SORCS2: variants seen among roughly 807,000 people sequenced by gnomAD.
The protein encoded by SORCS2 is VPS10 domain-containing receptor SorCS2.
SORCS2 carries 100 observed loss-of-function variants against 141.6 expected under a neutral mutation model. That is an observed-to-expected ratio of 0.71 (90% CI 0.60 to 0.83). The LOEUF (loss-of-function observed/expected upper bound fraction) is 0.83. SORCS2 is among the 40% of genes least tolerant of loss of function. The pLI is 0.00. For synonymous variants in SORCS2, 789 were observed against 676.9 expected (o/e 1.17, Z -2.57); for missense variants, 1,646 against 1,560.2 (o/e 1.05, Z -0.93).
At position 7,741,517 on chromosome 4, in the gene SORCS2, C is replaced by T. The variant is rs989827019; in HGVS notation, c.*1253C>T. On this transcript the variant is annotated 3_prime_UTR_variant, in exon 27 of 27. Transcript: ENST00000507866. ...CCCTTCCTCCTCCTCCCTCCTCCCC[C>T]TCCTCTCTGGCAGGGATCTCAGATG... 1.8e-5 allele frequency: 6 copies of T among 341,860 alleles called. No individual in the cohort carries two copies. Among genetic ancestry groups the T allele is most frequent in the African/African-American group, 1.1e-4 (5 of 47,448 alleles). The allele number at this position is 341,860 out of a possible 1,614,324, so 21.2% of individuals were successfully genotyped here.
At position 7,697,270 on chromosome 4, in the gene SORCS2, G is replaced by T. The variant is rs901219708; in HGVS notation, c.1664G>T (p.Arg555Leu). 1 of 1,584,966 alleles carries T rather than the reference G, an allele frequency of 6.3e-7. No homozygotes were observed. The highest frequency in any genetic ancestry group is 1.2e-5 in the South Asian group (1 of 86,248). The stretch of plus-strand genomic sequence containing the variant: ...ACGTCAGACTGTGGTCACACCTGGC[G>T]GCAGGTAAGCTGGCTGGGAGGTGCC... ...YITSDCGHTW[R>L]QVFEEEHHIL... Residue 555 changes from arginine (R) to leucine (L), a missense_variant, in exon 12 of 27, where the codon CGG becomes CTG. Arg to Leu is a moderately radical substitution (Grantham distance 102). Coordinates refer to ENST00000507866, the MANE Select transcript of SORCS2 (RefSeq NM_020777.3).
At chr4:7,592,038 C>T (rs978291206) in intron 3 of SORCS2, among the ~76,000 whole-genome samples, 11 of 152,130 alleles carry the variant, frequency 7.2e-5, no homozygotes, top group African/African-American at 2.7e-4. Context: ...GCTAGGAAAG[C>T]GCCGAGGCTT....
chr4:7,349,881 A>G (rs1474058523), intron 1 of SORCS2, among the ~76,000 whole-genome samples: 3 of 152,168 alleles, frequency 2.0e-5, no homozygotes, highest in African/African-American at 7.2e-5. Flanking sequence ...CAAGGGATGA[A>G]ACAACTCTCC....
At chr4:7,706,068 G>T (rs1725420173) in intron 14 of SORCS2, among the ~76,000 whole-genome samples, 1 of 146,478 alleles carries the variant, frequency 6.8e-6, no homozygotes. Flanking sequence ...GGGCAGGGAT[G>T]AGGCTGGGCT....
At chr4:7,681,887 T>C (rs144171738) in intron 9 of SORCS2, among the ~76,000 whole-genome samples, 17 of 152,324 alleles carry the variant, frequency 1.1e-4, no homozygotes, top group South Asian at 2.1e-4. Context: ...GCATGCTGCA[T>C]ATACAGGTGC....
At chr4:7,445,799 A>G (rs1231204373) in intron 2 of SORCS2, among the ~76,000 whole-genome samples, 1 of 152,126 alleles carries the variant, frequency 6.6e-6, no homozygotes. Flanking sequence ...GTCGGGAAGT[A>G]CAGGACTCCA....
intron 3 of SORCS2, among the ~76,000 whole-genome samples, chr4:7,599,670 C>T (rs1456719108): frequency 1.3e-5 from 2 of 152,114 alleles, no homozygotes; most frequent in Non-Finnish European, 2.9e-5. Context: ...GGGGGCAGGT[C>T]TCGCCTCCCT....
intron 3 of SORCS2, among the ~76,000 whole-genome samples, chr4:7,626,729 G>A (rs1462083953): frequency 1.3e-5 from 2 of 152,094 alleles, no homozygotes; most frequent in Admixed American, 6.5e-5. Context: ...GTGTTCCTGC[G>A]TTTGTTTTCC....
intron 3 of SORCS2, among the ~76,000 whole-genome samples, chr4:7,614,262 T>TCATCCATC (rs1560427140): frequency 3.4e-5 from 5 of 145,600 alleles, no homozygotes; most frequent in Admixed American, 3.4e-4. Context: ...ACCCATCCAC[T>TCATCCATC]CATCCATCCA....
intron 1 of SORCS2, among the ~76,000 whole-genome samples, chr4:7,350,306 G>A (rs984968510): frequency 1.3e-5 from 2 of 152,226 alleles, no homozygotes; most frequent in African/African-American, 4.8e-5. Context: ...GCGTTCCAGA[G>A]TGGGGCTACA....
At chr4:7,252,352 G>T (rs1170738124) in intron 1 of SORCS2, among the ~76,000 whole-genome samples, 2 of 152,196 alleles carry the variant, frequency 1.3e-5, no homozygotes, top group African/African-American at 4.8e-5. Context: ...GATGGGCCCG[G>T]GTGGGGCAGG....
At chr4:7,254,660 A>T (rs576140217) in intron 1 of SORCS2, among the ~76,000 whole-genome samples, 5 of 152,222 alleles carry the variant, frequency 3.3e-5, no homozygotes, top group Non-Finnish European at 7.3e-5. Flanking sequence ...AAAGGAAAAA[A>T]AGAGGGGCGG....
At chr4:7,470,971 T>C (rs1192034953) in intron 2 of SORCS2, among the ~76,000 whole-genome samples, 1 of 151,888 alleles carries the variant, frequency 6.6e-6, no homozygotes, top group African/African-American at 2.4e-5. Flanking sequence ...GAAGGTGCCA[T>C]GTCAGACAGA....
intron 3 of SORCS2, among the ~76,000 whole-genome samples, chr4:7,623,754 C>A (rs114858509): frequency 0.013 from 1,936 of 152,336 alleles, 20 homozygotes; most frequent in Non-Finnish European, 0.019. Context: ...TCACGGCTGC[C>A]GCTTATGCGC....
At chr4:7,239,044 A>C (rs7660249) in intron 1 of SORCS2, among the ~76,000 whole-genome samples, 2 of 152,042 alleles carry the variant, frequency 1.3e-5, no homozygotes, top group African/African-American at 4.8e-5. Flanking sequence ...TGGGCACAGC[A>C]CTGGACTCAG....
intron 17 of SORCS2, among the ~76,000 whole-genome samples, chr4:7,715,641 C>G (rs925910810): frequency 3.3e-5 from 5 of 152,212 alleles, no homozygotes; most frequent in African/African-American, 1.2e-4. Flanking sequence ...AGAAAAGGTC[C>G]AAGGTGCCCA....
intron 4 of SORCS2, among the ~76,000 whole-genome samples, chr4:7,645,788 T>C (rs1468195904): frequency 6.6e-6 from 1 of 152,214 alleles, no homozygotes. Flanking sequence ...GATGGCTTCT[T>C]ACCATAGCTG....
intron 1 of SORCS2, among the ~76,000 whole-genome samples, chr4:7,208,007 C>T (rs559273525): frequency 4.6e-5 from 7 of 152,190 alleles, no homozygotes; most frequent in Non-Finnish European, 8.8e-5. Flanking sequence ...AGGGAGTTTT[C>T]GGGCGCCTTC....
At chr4:7,734,223 GGGAT>G in intron 24 of SORCS2, 45 bp from the exon 25 acceptor site, 1 of 1,408,720 alleles carries the variant, frequency 7.1e-7, no homozygotes, top group Non-Finnish European at 9.7e-7. Flanking sequence ...GGATGGGACA[GGGAT>G]GGGCGGTGCC....
Sources: allele counts gnomAD v4.1 joint callset (sites outside exome capture counted in the v4.1 genomes callset), GRCh38; gene constraint gnomAD v4.1.1; transcripts MANE v1.5; gene names NCBI Gene and HGNC (gene_info 2026-07-23, HGNC 2026-07-21).